The following ATP6AP1 variants were observed in gnomAD, a reference collection of about 807,000 sequenced individuals.
ATP6AP1 encodes the protein V-type proton ATPase subunit S1.
A neutral mutation model predicts 32.0 loss-of-function variants in ATP6AP1; 1 was observed. The ratio of observed to expected loss-of-function variants is 0.03; its 90% CI spans 0.01 to 0.15. The LOEUF is 0.15. Among genes scored for constraint, ATP6AP1 ranks in the 10% least tolerant of loss-of-function variants. ATP6AP1 has a pLI of 1.00. For synonymous variants in ATP6AP1, 187 were observed against 174.9 expected (o/e 1.07, Z -0.55); for missense variants, 297 against 398.8 (o/e 0.74, Z 2.17).
chrX:154,434,722 C>A (rs1185127757), intron 7 of ATP6AP1, among the ~76,000 whole-genome samples: 2 of 112,044 alleles, frequency 1.8e-5, no homozygotes, highest in Non-Finnish European at 3.8e-5. Context: ...GAACCTGTCA[C>A]CTCCCCCTTG....
Position 154,435,852 on chromosome X carries a change from C to A in ATP6AP1, c.1374C>A (p.Asp458Glu). Residue 458 changes from aspartate (D) to glutamate (E), a missense_variant, in exon 10 of 10, where the codon GAC (aspartate) becomes GAA (glutamate). By Grantham distance (45) the Asp-to-Glu change is conservative. Around this residue, in one of 2 missense-constraint regions of ATP6AP1, gnomAD observed 155 missense variants for 253.8 expected, o/e 0.61. Coordinates refer to ENST00000369762, the MANE Select transcript of ATP6AP1 (RefSeq NM_001183.6). The part of the protein sequence containing the change: ...LSLKTMDRFD[D>E]HKGPTISLTQ... ...TCAAGACCATGGATCGCTTTGATGACCACAAGGGCCCCACTATTTCTTTGA... is the reference window on the plus strand; with the variant it reads ...TCAAGACCATGGATCGCTTTGATGAACACAAGGGCCCCACTATTTCTTTGA... The A allele has an allele frequency of 1.7e-6, 2 of 1,211,675 alleles. No homozygotes were observed. The highest frequency in any genetic ancestry group is 2.2e-6 in the Non-Finnish European group (2 of 895,358).
At position 154,434,323 on chromosome X, in the gene ATP6AP1, T is replaced by C; in HGVS notation, c.800T>C (p.Ile267Thr). The C allele has an allele frequency of 8.3e-7, 1 of 1,211,591 alleles. No individual in the cohort carries two copies. The change falls in exon 7 of 10, where the codon ATC becomes ACC. Residue 267 changes from isoleucine (I) to threonine (T), a missense_variant. By Grantham distance (89) the Ile-to-Thr change is moderately conservative. Coordinates refer to ENST00000369762, the MANE Select transcript of ATP6AP1 (RefSeq NM_001183.6). The part of the protein sequence containing the change: ...PVSYNDTAPR[I>T]LFWAQNFSVA... Reference sequence around the variant, plus strand: ...AGTTACAATGACACCGCTCCCCGGATCCTGTTCTGGGCCCAAAACTTCTCT... The same window carrying C: ...AGTTACAATGACACCGCTCCCCGGACCCTGTTCTGGGCCCAAAACTTCTCT...
intron 5 of ATP6AP1, 23 bp downstream of exon 5, chrX:154,432,994 C>G (rs373870261): frequency 3.9e-5 from 47 of 1,206,510 alleles, no homozygotes; most frequent in Non-Finnish European, 5.3e-5. Flanking sequence ...AGGGAGGATG[C>G]ACGTCCTCAT....
chrX:154,435,234 G>C, intron 8 of ATP6AP1, 40 bp from the exon 9 acceptor site: 1 of 1,208,742 alleles, frequency 8.3e-7, no homozygotes, highest in East Asian at 3.0e-5. Flanking sequence ...TGTGGCCCCA[G>C]CCTCCCCAGC....
chrX:154,431,733 G>T, intron 2 of ATP6AP1, 97 bp from the exon 3 acceptor site: 5 of 788,477 alleles, frequency 6.3e-6, no homozygotes, highest in East Asian at 3.3e-5. Context: ...GTGAGACTTT[G>T]CTGGCCCTGA....
In ATP6AP1 at chrX:154,435,861, C is replaced by T. The variant is rs2068716810; in HGVS notation, c.1383C>T (p.Gly461=). The change falls in exon 10 of 10, where the codon GGC becomes GGT. Residue 461 remains glycine (G), a synonymous_variant. Coordinates refer to ENST00000369762, the MANE Select transcript of ATP6AP1 (RefSeq NM_001183.6). ...KTMDRFDDHK[G]PTISLTQIV is the part of the protein sequence containing the mutation. ...TGGATCGCTTTGATGACCACAAGGG[C>T]CCCACTATTTCTTTGACCCAGATTG... 5 of 1,211,075 alleles carry T rather than the reference C, an allele frequency of 4.1e-6. No homozygotes were observed. In the East Asian group the frequency reaches 1.2e-4, roughly 29 times the overall value.
Position 154,433,710 on chromosome X carries a change from G to T in ATP6AP1, c.674G>T (p.Arg225Leu). Residue 225 changes from arginine (R) to leucine (L), a missense_variant, in exon 6 of 10, where the codon CGC becomes CTC. Arg to Leu is a moderately radical substitution (Grantham distance 102). Transcript: ENST00000369762. ...VPYTAALTAV[R>L]PSRVARDVAV... ...TACACAGCGGCCCTCACAGCGGTCCGCCCTTCCAGGGTATGTGCCCTTCCA... is the reference window on the plus strand; with the variant it reads ...TACACAGCGGCCCTCACAGCGGTCCTCCCTTCCAGGGTATGTGCCCTTCCA... The T allele has an allele frequency of 1.7e-6, 2 of 1,210,846 alleles. No individual in the cohort carries two copies. Among genetic ancestry groups the T allele is most frequent in the South Asian group, 1.8e-5 (1 of 56,975 alleles).
At chrX:154,435,214 G>A (rs1557197450) in intron 8 of ATP6AP1, 28 bp downstream of exon 8, 3 of 1,209,174 alleles carry the variant, frequency 2.5e-6, no homozygotes, top group Admixed American at 2.2e-5. Context: ...TTGAGGTATG[G>A]GTGGGCTGGT....
At chrX:154,432,680 C>T (rs2068700337) in intron 4 of ATP6AP1, among the ~76,000 whole-genome samples, 1 of 112,336 alleles carries the variant, frequency 8.9e-6, no homozygotes, top group South Asian at 3.7e-4. Flanking sequence ...AGAGATGAGG[C>T]AGATGTGAGC....
intron 6 of ATP6AP1, 69 bp downstream of exon 6, chrX:154,433,789 T>C (rs1603384333): frequency 9.1e-7 from 1 of 1,098,674 alleles, no homozygotes; most frequent in East Asian, 3.1e-5. Flanking sequence ...TGCTTGGAGG[T>C]GGGGAGTGTA....
intron 4 of ATP6AP1, 62 bp from the exon 5 acceptor site, chrX:154,432,869 G>C (rs1557197061): frequency 1.1e-5 from 13 of 1,170,809 alleles, no homozygotes; most frequent in Non-Finnish European, 1.4e-5. Context: ...GTCGGGGAAG[G>C]GTAGTGGGCA....
At chrX:154,434,094 T>G in intron 6 of ATP6AP1, 114 bp from the exon 7 acceptor site, 4 of 751,346 alleles carry the variant, frequency 5.3e-6, no homozygotes, top group Non-Finnish European at 8.1e-6. Flanking sequence ...TGATGGGACT[T>G]TGAGATAGTG....
Position 154,435,798 on chromosome X carries a change from C to T in ATP6AP1, c.1320C>T (p.Phe440=). ...CCTCCCTGTTCATGCTCTTCATCTT[C>T]ACCTATGGCCTGCACATGATCCTCA... is the stretch of plus-strand genomic sequence containing the variant. ...LLTSLFMLFI[F]TYGLHMILSL... is the part of the protein sequence containing the mutation. The change falls in exon 10 of 10, where the codon TTC becomes TTT. Residue 440 remains phenylalanine, a synonymous_variant. Coordinates refer to ENST00000369762, the MANE Select transcript of ATP6AP1 (RefSeq NM_001183.6). 8.3e-7 allele frequency: 1 copy of T among 1,211,796 alleles called. No homozygotes were observed. Among genetic ancestry groups the T allele is most frequent in the Non-Finnish European group, 1.1e-6 (1 of 895,361 alleles).
chrX:154,432,870 G>A, intron 4 of ATP6AP1, 61 bp from the exon 5 acceptor site: 1 of 1,174,656 alleles, frequency 8.5e-7, no homozygotes, highest in Non-Finnish European at 1.2e-6. Flanking sequence ...TCGGGGAAGG[G>A]TAGTGGGCAG....
chrX:154,433,940 C>T (rs2068706651), intron 6 of ATP6AP1, among the ~76,000 whole-genome samples: 1 of 111,898 alleles, frequency 8.9e-6, no homozygotes, highest in Non-Finnish European at 1.9e-5. Context: ...ATTCCAGGGG[C>T]AGCTTTCCAT....
At chrX:154,433,354 T>C (rs962643473) in intron 5 of ATP6AP1, among the ~76,000 whole-genome samples, 4 of 112,521 alleles carry the variant, frequency 3.6e-5, no homozygotes, top group Non-Finnish European at 5.6e-5. Flanking sequence ...GTCGTGAACC[T>C]TTCATGGGTG....
At position 154,435,438 on chromosome X, in the gene ATP6AP1, A is replaced by G; in HGVS notation, c.1136A>G (p.Lys379Arg). ...TGCGAGTATGTCAGCAGCCTGAGCA[A>G]GAAGGGTAGTCTCCTCGTGGCCCGC... is the stretch of plus-strand genomic sequence containing the variant. ...FHCEYVSSLS[K>R]KGSLLVARTQ... is the part of the protein sequence containing the mutation. Residue 379 changes from lysine (K) to arginine (R), a missense_variant, in exon 9 of 10, where the codon AAG (lysine) becomes AGG (arginine). Lys to Arg is a conservative substitution (Grantham distance 26, BLOSUM62 2). This residue lies in a region of ATP6AP1 where 155 missense variants were observed against 253.8 expected (regional missense o/e 0.61). Transcript: ENST00000369762. 1 of 1,212,214 alleles carries G rather than the reference A, an allele frequency of 8.2e-7. No individual in the cohort carries two copies. The highest frequency in any genetic ancestry group is 1.1e-6 in the Non-Finnish European group (1 of 895,620).
At chrX:154,433,875 G>A (rs782686160) in intron 6 of ATP6AP1, among the ~76,000 whole-genome samples, 155 bp downstream of exon 6, 41 of 111,695 alleles carry the variant, frequency 3.7e-4, no homozygotes, top group South Asian at 2.6e-3. Flanking sequence ...GTGACTATTT[G>A]GAGTGGCTGA....
At chrX:154,434,078 T>G in intron 6 of ATP6AP1, 130 bp from the exon 7 acceptor site, 1 of 669,587 alleles carries the variant, frequency 1.5e-6, no homozygotes, top group Non-Finnish European at 2.4e-6. Context: ...AAAGGTCTCC[T>G]CTGGCTGATG....
Sources: gnomAD v4.1 joint callset for allele counts (sites outside exome capture counted in the v4.1 genomes callset) on GRCh38, gnomAD v4.1.1 for gene constraint, gnomAD v4.1.1 regional missense constraint, MANE v1.5 for transcripts, NCBI Gene and HGNC (gene_info 2026-07-23, HGNC 2026-07-21) for gene names.